The following KLRF1 variants were observed in gnomAD, a reference collection of about 807,000 sequenced individuals.
KLRF1 encodes killer cell lectin-like receptor subfamily F member 1.
A neutral mutation model predicts 30.7 loss-of-function variants in KLRF1; 27 were observed. The ratio of observed to expected loss-of-function variants is 0.88; its 90% CI spans 0.65 to 1.21. KLRF1 has a LOEUF of 1.21. KLRF1 is among the 50% of genes most tolerant of loss of function. The probability of loss-of-function intolerance (pLI) is 0.00; values close to 1 mark genes in which losing one functional copy is unlikely to be tolerated. For missense variants in KLRF1, 246 were observed against 259.3 expected, an observed-to-expected ratio of 0.95 and a Z score of 0.35; for synonymous variants, 92 against 89.3, an observed-to-expected ratio of 1.03 and a Z score of -0.17.
chr12:9,800,403 A>C, the KLRF1 span, among the ~76,000 whole-genome samples: 1 of 152,054 alleles, frequency 6.6e-6, no homozygotes, highest in African/African-American at 2.4e-5. Context: ...TATTACACTC[A>C]TCAATCACCC....
upstream of KLRF1, among the ~76,000 whole-genome samples, chr12:9,825,478 A>T (rs1867268450): frequency 6.6e-6 from 1 of 152,174 alleles, no homozygotes; most frequent in South Asian, 2.1e-4. Flanking sequence ...TTGAAAGTGG[A>T]CCCCTTCCTT....
At chr12:9,839,166 C>A (rs770649404) in intron 3 of KLRF1, among the ~76,000 whole-genome samples, 1 of 152,000 alleles carries the variant, frequency 6.6e-6, no homozygotes. Context: ...ATGGTGCCAG[C>A]GTGGTTGGGT....
chr12:9,815,108 C>T, the KLRF1 span, among the ~76,000 whole-genome samples: 1 of 151,894 alleles, frequency 6.6e-6, no homozygotes, highest in Non-Finnish European at 1.5e-5. Context: ...CTTAGAGATA[C>T]ATGAAAATAT....
chr12:9,843,921 AAT>A (rs768565108), intron 5 of KLRF1, among the ~76,000 whole-genome samples: 1 of 152,120 alleles, frequency 6.6e-6, no homozygotes, highest in Admixed American at 6.6e-5. Flanking sequence ...TAATATTTTT[AAT>A]ATGTTACATT....
the KLRF1 span, among the ~76,000 whole-genome samples, chr12:9,821,501 T>G: frequency 6.6e-6 from 1 of 152,122 alleles, no homozygotes; most frequent in African/African-American, 2.4e-5. Flanking sequence ...AGAGAAACCC[T>G]GGTTTGGGCC....
At chr12:9,842,957 A>G (rs948638279) in intron 5 of KLRF1, among the ~76,000 whole-genome samples, 2 of 152,170 alleles carry the variant, frequency 1.3e-5, no homozygotes, top group Admixed American at 6.6e-5. Context: ...TCCTATTCCT[A>G]TGTTAGCAGG....
intron 3 of KLRF1, among the ~76,000 whole-genome samples, chr12:9,840,354 G>T (rs916008531): frequency 3.3e-5 from 5 of 151,956 alleles, no homozygotes; most frequent in Non-Finnish European, 7.4e-5. Context: ...GTTACGTGAA[G>T]AAAAATAATC....
chr12:9,831,573 A>G (rs1227629332), intron 1 of KLRF1, among the ~76,000 whole-genome samples: 1 of 152,186 alleles, frequency 6.6e-6, no homozygotes, highest in Non-Finnish European at 1.5e-5. Flanking sequence ...AATGTTTCAC[A>G]AAGTATAGAT....
chr12:9,819,396 G>C, the KLRF1 span, among the ~76,000 whole-genome samples: 2 of 152,168 alleles, frequency 1.3e-5, no homozygotes, highest in Non-Finnish European at 2.9e-5. Context: ...TACCTCCCCT[G>C]AGATGAATCT....
chr12:9,808,408 C>A, the KLRF1 span, among the ~76,000 whole-genome samples: 1 of 151,932 alleles, frequency 6.6e-6, no homozygotes, highest in South Asian at 2.1e-4. Context: ...ACAGTGATTT[C>A]AAATAATTAG....
chr12:9,835,080 A>C (rs919185351), intron 3 of KLRF1, among the ~76,000 whole-genome samples: 3 of 152,096 alleles, frequency 2.0e-5, no homozygotes, highest in African/African-American at 7.2e-5. Flanking sequence ...CTAAACCAAC[A>C]AGCAAGGGAA....
At chr12:9,826,373 A>G (rs1362618522), upstream of KLRF1, among the ~76,000 whole-genome samples, 1 of 152,142 alleles carries the variant, frequency 6.6e-6, no homozygotes, top group Admixed American at 6.6e-5. Flanking sequence ...TAAAAAGTCA[A>G]AAAATAACAG....
At chr12:9,829,671 G>A (rs1175745532) in intron 1 of KLRF1, among the ~76,000 whole-genome samples, 1 of 152,128 alleles carries the variant, frequency 6.6e-6, no homozygotes, top group African/African-American at 2.4e-5. Context: ...CAGGAGGGAG[G>A]ATCTCTGAGC....
the KLRF1 span, among the ~76,000 whole-genome samples, chr12:9,818,585 A>G: frequency 6.6e-6 from 1 of 152,204 alleles, no homozygotes; most frequent in Admixed American, 6.5e-5. Flanking sequence ...GATTGTTCCT[A>G]TGAAGACCAA....
rs6488232 is a variant in KLRF1, at chr12:9,844,712, A to C, written c.*186A>C. ...CCCCTGTTAACAAACTAAAATGTAC[A>C]CTTCAAAATTTTTACGTGATAGTAT... On this transcript the variant is annotated 3_prime_UTR_variant, in exon 6 of 6. Transcript: ENST00000617889. The C allele has an allele frequency of 0.091, 39,188 of 428,900 alleles. 2,214 individuals carry two copies. Among genetic ancestry groups the C allele is most frequent in the African/African-American group, 0.19 (9,404 of 49,704 alleles). The allele number at this position is 428,900 out of a possible 1,614,324, so 26.6% of individuals were successfully genotyped here. A position where few individuals can be genotyped will look rare whatever the true frequency, so the allele number is the denominator to read the frequency against.
chr12:9,810,376 G>A, the KLRF1 span, among the ~76,000 whole-genome samples: 8 of 152,138 alleles, frequency 5.3e-5, no homozygotes, highest in Non-Finnish European at 1.0e-4. Context: ...TATCTTTTGT[G>A]TGTCCTTTGA....
chr12:9,837,682 G>A (rs1188211444), intron 3 of KLRF1, among the ~76,000 whole-genome samples: 9 of 152,086 alleles, frequency 5.9e-5, no homozygotes, highest in Non-Finnish European at 1.0e-4. Context: ...TGTGACAAAA[G>A]CTAACACATT....
At chr12:9,818,720 G>A in the KLRF1 span, among the ~76,000 whole-genome samples, 1 of 152,006 alleles carries the variant, frequency 6.6e-6, no homozygotes, top group South Asian at 2.1e-4. Flanking sequence ...CCTAAATTTT[G>A]CTTTTATTTA....
At chr12:9,802,118 A>G in the KLRF1 span, among the ~76,000 whole-genome samples, 11 of 152,220 alleles carry the variant, frequency 7.2e-5, 1 homozygote, top group South Asian at 2.1e-3. Context: ...ATCCAGCAGC[A>G]CATCAAAAAG....
Sources: allele counts gnomAD v4.1 joint callset (sites outside exome capture counted in the v4.1 genomes callset), GRCh38; gene constraint gnomAD v4.1.1; transcripts MANE v1.5; gene names NCBI Gene and HGNC (gene_info 2026-07-23, HGNC 2026-07-21).